Variants in BBS9 observed in about 807,000 individuals in gnomAD.
BBS9 encodes the protein protein PTHB1.
In BBS9, 89 loss-of-function variants were observed where a neutral mutation model predicts 117.7. That is an observed-to-expected ratio of 0.76 (90% CI 0.64 to 0.90). The LOEUF is 0.90. Among genes scored for constraint, BBS9 ranks in the 40% least tolerant of loss-of-function variants. BBS9 has a pLI of 0.00. For missense variants in BBS9, 982 were observed against 1,042.2 expected, an observed-to-expected ratio of 0.94 and a Z score of 0.80; for synonymous variants, 379 against 370.9, an observed-to-expected ratio of 1.02 and a Z score of -0.25.
chr7:33,605,110 G>T (rs1864401391), intron 22 of BBS9, 85 bp from the exon 23 acceptor site: 17 of 1,483,868 alleles, frequency 1.1e-5, no homozygotes, highest in Non-Finnish European at 1.6e-5. Context: ...CTTAGCACTG[G>T]TGCAGCTGAA....
chr7:33,515,454 T>C (rs1437303139), intron 20 of BBS9, among the ~76,000 whole-genome samples: 1 of 152,184 alleles, frequency 6.6e-6, no homozygotes, highest in African/African-American at 2.4e-5. Context: ...GTTGCCTTCA[T>C]GATTTCTTTT....
chr7:33,482,424 G>C (rs1253301279), intron 19 of BBS9, among the ~76,000 whole-genome samples: 2 of 152,096 alleles, frequency 1.3e-5, no homozygotes, highest in Non-Finnish European at 2.9e-5. Context: ...TCCAAAGTCT[G>C]TCATGGCCTG....
At chr7:33,359,783 C>T (rs1013127387) in intron 16 of BBS9, among the ~76,000 whole-genome samples, 1 of 151,934 alleles carries the variant, frequency 6.6e-6, no homozygotes, top group Admixed American at 6.6e-5. Context: ...TACATGTCTT[C>T]CCATTTGTTT....
In BBS9 at chr7:33,352,885, G is replaced by A; in HGVS notation, c.1552+12G>A. 1.2e-6 allele frequency: 2 copies of A among 1,609,550 alleles called. No homozygotes were observed. Among genetic ancestry groups the A allele is most frequent in the African/African-American group, 2.7e-5 (2 of 74,894 alleles). ...TCGAAATCCTGATGGTAAGTGTAAA[G>A]ATAATTTAGAAAAAAATGAATTTCA... On this transcript the variant is annotated intron_variant, in intron 15 of 22. Coordinates refer to ENST00000242067, the MANE Select transcript of BBS9 (RefSeq NM_198428.3).
intron 19 of BBS9, among the ~76,000 whole-genome samples, chr7:33,394,777 A>G (rs1284696472): frequency 6.6e-6 from 1 of 152,222 alleles, no homozygotes; most frequent in Non-Finnish European, 1.5e-5. Context: ...AAAGTAGGAG[A>G]AAAGAAAGGA....
intron 19 of BBS9, among the ~76,000 whole-genome samples, chr7:33,400,557 T>C (rs1380849638): frequency 6.6e-6 from 1 of 152,172 alleles, no homozygotes; most frequent in Non-Finnish European, 1.5e-5. Context: ...TCCACCTTCC[T>C]TCCCTTACCG....
At chr7:33,504,373 T>C (rs1845858731) in intron 19 of BBS9, among the ~76,000 whole-genome samples, 1 of 152,202 alleles carries the variant, frequency 6.6e-6, no homozygotes, top group Non-Finnish European at 1.5e-5. Flanking sequence ...GCTGTTTCTG[T>C]ACAGCCCCTC....
At chr7:33,314,525 A>G (rs756783338) in intron 9 of BBS9, 1 of 180,174 alleles carries the variant, frequency 5.6e-6, no homozygotes, top group Non-Finnish European at 1.2e-5. Context: ...GTTGACTTCA[A>G]GGGTTCCATT....
chr7:33,129,337 G>A (rs960162368), upstream of BBS9: 7 of 531,074 alleles, frequency 1.3e-5, no homozygotes, highest in African/African-American at 1.4e-4. Context: ...TCTTCCTTAA[G>A]GAACTGCTGC....
At chr7:33,571,290 T>C (rs1251569176) in intron 21 of BBS9, among the ~76,000 whole-genome samples, 1 of 152,124 alleles carries the variant, frequency 6.6e-6, no homozygotes, top group African/African-American at 2.4e-5. Context: ...TTTTGACTTT[T>C]ATAATTTAGG....
At chr7:33,630,635 C>T (rs1342657550) in intron 21 of BBS9, among the ~76,000 whole-genome samples, 1 of 152,150 alleles carries the variant, frequency 6.6e-6, no homozygotes, top group African/African-American at 2.4e-5. Context: ...AGCAGATCCT[C>T]ACAGCTTTCA....
intron 10 of BBS9, among the ~76,000 whole-genome samples, chr7:33,338,291 C>T (rs768510361): frequency 6.6e-6 from 1 of 152,048 alleles, no homozygotes; most frequent in African/African-American, 2.4e-5. Context: ...AATTTAGTAA[C>T]TTGTACCCTT....
intron 21 of BBS9, among the ~76,000 whole-genome samples, chr7:33,561,133 A>G (rs1856023799): frequency 6.6e-6 from 1 of 152,158 alleles, no homozygotes; most frequent in Non-Finnish European, 1.5e-5. Context: ...CATTTTTCTA[A>G]TCTACCAATC....
At chr7:33,563,248 C>A (rs191244957) in intron 21 of BBS9, among the ~76,000 whole-genome samples, 221 of 152,186 alleles carry the variant, frequency 1.5e-3, no homozygotes, top group Non-Finnish European at 2.4e-3. Context: ...TTTATGTTCC[C>A]AGTTTTAAGA....
At chr7:33,517,770 A>G (rs1419456956) in intron 20 of BBS9, among the ~76,000 whole-genome samples, 1 of 152,220 alleles carries the variant, frequency 6.6e-6, no homozygotes, top group Non-Finnish European at 1.5e-5. Flanking sequence ...TAAGGGGCCT[A>G]ACAAAAATGA....
Position 33,291,677 on chromosome 7 carries a change from A to G in BBS9, c.1016+17721A>G, listed in dbSNP as rs532600446. Among the ~76,000 whole-genome samples, 93 of 152,330 alleles carry G rather than the reference A, an allele frequency of 6.1e-4. No homozygotes were observed. The Middle Eastern group carries it at 0.01, about 17-fold the overall frequency. On this transcript the variant is annotated intron_variant, in intron 9 of 22. Transcript: ENST00000242067. Reference sequence around the variant, plus strand: ...TGATGCTCAGATATCACTAGCCCATAGAAGACCACAGAAAATTTCATTAAC... The same window carrying G: ...TGATGCTCAGATATCACTAGCCCATGGAAGACCACAGAAAATTTCATTAAC...
At chr7:33,513,807 T>C (rs1267984538) in intron 20 of BBS9, among the ~76,000 whole-genome samples, 1 of 152,224 alleles carries the variant, frequency 6.6e-6, no homozygotes, top group Non-Finnish European at 1.5e-5. Context: ...TGAAAGCAAC[T>C]GTTAGGTACA....
chr7:33,257,824 T>C (rs1420287748), intron 6 of BBS9, among the ~76,000 whole-genome samples: 1 of 152,096 alleles, frequency 6.6e-6, no homozygotes, highest in African/African-American at 2.4e-5. Flanking sequence ...AAAAGCCAAA[T>C]TGAAGATTTA....
intron 5 of BBS9, among the ~76,000 whole-genome samples, chr7:33,237,520 A>G (rs1793733967): frequency 6.6e-6 from 1 of 152,208 alleles, no homozygotes; most frequent in African/African-American, 2.4e-5. Context: ...TAGCATTTAC[A>G]TTTAATTTCA....
Sources: allele counts gnomAD v4.1 joint callset (sites outside exome capture counted in the v4.1 genomes callset), GRCh38; gene constraint gnomAD v4.1.1; transcripts MANE v1.5; gene names NCBI Gene and HGNC (gene_info 2026-07-23, HGNC 2026-07-21).